The following EEFSEC variants were observed in gnomAD, a reference collection of about 807,000 sequenced individuals.
The protein encoded by EEFSEC is selenocysteine-specific elongation factor.
A neutral mutation model predicts 42.1 loss-of-function variants in EEFSEC; 43 were observed. That is an observed-to-expected ratio of 1.02 (90% CI 0.80 to 1.32). EEFSEC has a LOEUF of 1.32. Among genes scored for constraint, EEFSEC ranks in the 40% most tolerant of loss-of-function variants. EEFSEC has a pLI of 0.00. For missense variants in EEFSEC, 745 were observed against 803.6 expected (o/e 0.93, Z 0.88); for synonymous variants, 354 against 339.1 (o/e 1.04, Z -0.48).
the EEFSEC span, among the ~76,000 whole-genome samples, chr3:128,413,941 G>A: frequency 1.3e-5 from 2 of 152,220 alleles, no homozygotes; most frequent in Non-Finnish European, 1.5e-5. Context: ...CGGAGCTGTG[G>A]CCAGCACAGT....
intron 4 of EEFSEC, among the ~76,000 whole-genome samples, chr3:128,325,551 T>C (rs1445661322): frequency 6.6e-6 from 1 of 152,210 alleles, no homozygotes; most frequent in African/African-American, 2.4e-5. Flanking sequence ...CCTAAGAGTC[T>C]TTGCAGCCTC....
chr3:128,164,859 A>C (rs2065228811), intron 1 of EEFSEC, among the ~76,000 whole-genome samples: 1 of 152,110 alleles, frequency 6.6e-6, no homozygotes, highest in Non-Finnish European at 1.5e-5. Flanking sequence ...GAGTCTGAGG[A>C]GAGGACTGTG....
At chr3:128,257,308 G>A (rs1178193943) in intron 2 of EEFSEC, among the ~76,000 whole-genome samples, 3 of 152,188 alleles carry the variant, frequency 2.0e-5, no homozygotes, top group Non-Finnish European at 4.4e-5. Context: ...TAATTCTGTT[G>A]TGAGTATTTG....
chr3:128,190,619 T>C (rs1019770314), intron 1 of EEFSEC, among the ~76,000 whole-genome samples: 3 of 152,198 alleles, frequency 2.0e-5, no homozygotes, highest in Admixed American at 1.3e-4. Context: ...GTTTTTATTA[T>C]AAATTTAGTG....
At chr3:128,396,530 G>A (rs769522708) in intron 6 of EEFSEC, among the ~76,000 whole-genome samples, 1 of 152,156 alleles carries the variant, frequency 6.6e-6, no homozygotes, top group African/African-American at 2.4e-5. Flanking sequence ...GATCGTCTCC[G>A]CCCTCCCAAA....
rs1424794719 is a variant in EEFSEC at position 128,408,103 on chromosome 3, A to T, written c.1635A>T (p.Thr545=). Residue 545 remains threonine (T), a synonymous_variant, in exon 7 of 7, where the codon ACA becomes ACT. Coordinates refer to ENST00000254730, the MANE Select transcript of EEFSEC (RefSeq NM_021937.5). ...GCCCCGAGTCCAAGAAGATCCTGAC[A>T]CCCGCCCTCAAGAAGCGGGCCCGGG... The part of the protein sequence containing the change: ...GLSPESKKIL[T]PALKKRARAG... 1 of 1,600,622 alleles carries T rather than the reference A, an allele frequency of 6.2e-7. No individual in the cohort carries two copies. Among genetic ancestry groups the T allele is most frequent in the East Asian group, 2.3e-5 (1 of 44,198 alleles).
At chr3:128,335,284 G>A (rs2067177517) in intron 4 of EEFSEC, among the ~76,000 whole-genome samples, 1 of 152,214 alleles carries the variant, frequency 6.6e-6, no homozygotes, top group Non-Finnish European at 1.5e-5. Flanking sequence ...GATGCCAAGC[G>A]TTGGGAAGCT....
At chr3:128,403,642 C>T (rs954147546) in intron 6 of EEFSEC, among the ~76,000 whole-genome samples, 4 of 152,336 alleles carry the variant, frequency 2.6e-5, no homozygotes, top group African/African-American at 9.6e-5. Context: ...GCCAGGCCCT[C>T]GTACCGCACC....
At chr3:128,265,377 C>T (rs2066343619) in intron 4 of EEFSEC, among the ~76,000 whole-genome samples, 3 of 152,136 alleles carry the variant, frequency 2.0e-5, no homozygotes, top group Admixed American at 2.0e-4. Flanking sequence ...TTCCCATCAC[C>T]CCTCCTTCTA....
At chr3:128,292,041 A>T (rs112259421) in intron 4 of EEFSEC, among the ~76,000 whole-genome samples, 31 of 152,216 alleles carry the variant, frequency 2.0e-4, no homozygotes, top group African/African-American at 6.5e-4. Flanking sequence ...TTAAATTATT[A>T]TATAGTTTTT....
At chr3:128,336,075 G>A (rs139672805) in intron 4 of EEFSEC, among the ~76,000 whole-genome samples, 5 of 152,232 alleles carry the variant, frequency 3.3e-5, no homozygotes, top group Admixed American at 6.5e-5. Context: ...GAACTCAGAC[G>A]TCTGTGTCTC....
intron 5 of EEFSEC, among the ~76,000 whole-genome samples, chr3:128,345,679 T>C (rs2067304283): frequency 6.6e-6 from 1 of 152,366 alleles, no homozygotes; most frequent in East Asian, 1.9e-4. Context: ...ACATCTACTT[T>C]GCAAGCACAG....
intron 1 of EEFSEC, among the ~76,000 whole-genome samples, chr3:128,193,887 G>A (rs769126294): frequency 1.9e-4 from 29 of 152,242 alleles, no homozygotes; most frequent in Non-Finnish European, 2.8e-4. Context: ...TGGGAGGACA[G>A]AAGGGAAGAG....
intron 1 of EEFSEC, among the ~76,000 whole-genome samples, chr3:128,229,732 G>A (rs868389713): frequency 1.3e-5 from 2 of 152,148 alleles, no homozygotes; most frequent in South Asian, 2.1e-4. Flanking sequence ...AAACATTGGC[G>A]AATTTCATAT....
At chr3:128,241,201 CTT>C (rs373420882) in intron 1 of EEFSEC, among the ~76,000 whole-genome samples, 34 of 80,666 alleles carry the variant, frequency 4.2e-4, no homozygotes, top group African/African-American at 1.0e-3. Context: ...CTCTCTCTCT[CTT>C]TTTTTTTTTT....
chr3:128,317,514 G>A lies in EEFSEC; in HGVS notation c.787-23719G>A, dbSNP rs541081818. On this transcript the variant is annotated intron_variant, in intron 4 of 6. Transcript: ENST00000254730. The surrounding 1 kb of genome is among the most constrained non-coding windows in gnomAD (Gnocchi z 4.1). ...TCTTCCTGTCATTACAGTTTGCTCC[G>A]ATTTGCTCTGTGCCCAGAGTCTTTT... Among the ~76,000 whole-genome samples the A allele has an allele frequency of 6.6e-6, 1 of 152,206 alleles. No individual in the cohort carries two copies. The highest frequency in any genetic ancestry group is 1.5e-5 in the Non-Finnish European group (1 of 68,042).
intron 6 of EEFSEC, among the ~76,000 whole-genome samples, chr3:128,406,755 G>T (rs1270671055): frequency 2.0e-5 from 3 of 151,882 alleles, no homozygotes; most frequent in Non-Finnish European, 4.4e-5. Flanking sequence ...AGAGGTTGTA[G>T]TGAGCCAGGA....
intron 4 of EEFSEC, among the ~76,000 whole-genome samples, chr3:128,290,804 G>T (rs146504281): frequency 2.4e-4 from 36 of 152,204 alleles, no homozygotes; most frequent in African/African-American, 7.7e-4. Flanking sequence ...GGAGTGCAAT[G>T]GTGCAACCTC....
At chr3:128,380,289 A>G (rs1192840419) in intron 6 of EEFSEC, among the ~76,000 whole-genome samples, 1 of 152,200 alleles carries the variant, frequency 6.6e-6, no homozygotes, top group Non-Finnish European at 1.5e-5. Context: ...TCCCCTTTTC[A>G]TCACTATTTG....
Sources: allele counts gnomAD v4.1 joint callset (sites outside exome capture counted in the v4.1 genomes callset), GRCh38; gene constraint gnomAD v4.1.1; non-coding constraint Gnocchi (gnomAD v3.1); transcripts MANE v1.5; gene names NCBI Gene and HGNC (gene_info 2026-07-23, HGNC 2026-07-21).